POLQ: variants seen among roughly 807,000 people sequenced by gnomAD.
POLQ encodes the protein epididymis secretory sperm binding protein.
A neutral mutation model predicts 259.2 loss-of-function variants in POLQ; 233 were observed. The ratio of observed to expected loss-of-function variants is 0.90; its 90% CI spans 0.81 to 1.00. The LOEUF is 1.00. POLQ is among the 50% of genes least tolerant of loss of function. The pLI, the probability that POLQ is intolerant of heterozygous loss-of-function variation, is 0.00. For synonymous variants in POLQ, 1,025 were observed against 1,048.8 expected (o/e 0.98, Z 0.44); for missense variants, 2,871 against 3,051.6 (o/e 0.94, Z 1.39).
Position 121,474,572 on chromosome 3 carries a change from G to C in POLQ, c.6406-1085C>G, listed in dbSNP as rs139085761. Among the ~76,000 whole-genome samples, 5 of 152,248 alleles carry C rather than the reference G, an allele frequency of 3.3e-5. No individual in the cohort carries two copies. The East Asian group carries it at 7.7e-4, about 24-fold the overall frequency. ...ATTGAAACTATTTGTGTAAGTACAA[G>C]AATTTTTCCCACAAGTTGAGCCAGG... On this transcript the variant is annotated intron_variant, in intron 20 of 29. Coordinates refer to ENST00000264233, the MANE Select transcript of POLQ (RefSeq NM_199420.4).
intron 25 of POLQ, among the ~76,000 whole-genome samples, chr3:121,451,685 T>C (rs954955382): frequency 1.3e-5 from 2 of 152,222 alleles, no homozygotes; most frequent in African/African-American, 4.8e-5. Context: ...GTGTGAGGTG[T>C]CAGCCTGCTC....
At chr3:121,446,956 G>C (rs751830070) in intron 26 of POLQ, among the ~76,000 whole-genome samples, 1 of 151,964 alleles carries the variant, frequency 6.6e-6, no homozygotes, top group Non-Finnish European at 1.5e-5. Context: ...TACATGCAAT[G>C]TTATTATTGA....
At chr3:121,435,177 G>C (rs895916420) in intron 28 of POLQ, among the ~76,000 whole-genome samples, 10 of 152,024 alleles carry the variant, frequency 6.6e-5, no homozygotes, top group African/African-American at 2.4e-4. Context: ...AACAAAAAAA[G>C]TCTGCTGTCA....
intron 13 of POLQ, among the ~76,000 whole-genome samples, chr3:121,497,452 T>G (rs2048133996): frequency 6.6e-6 from 1 of 152,170 alleles, no homozygotes; most frequent in Non-Finnish European, 1.5e-5. Flanking sequence ...TTTCTTTTTT[T>G]TTGAGACGGA....
intron 19 of POLQ, among the ~76,000 whole-genome samples, chr3:121,478,697 G>A (rs1324033232): frequency 1.3e-5 from 2 of 151,402 alleles, no homozygotes; most frequent in African/African-American, 4.9e-5. Context: ...AAAGCTATAT[G>A]AACTAATATT....
chr3:121,526,817 A>T (rs1016349775), intron 7 of POLQ, among the ~76,000 whole-genome samples: 2 of 151,956 alleles, frequency 1.3e-5, no homozygotes, highest in African/African-American at 4.8e-5. Flanking sequence ...TTTTTCTCAA[A>T]TCGTAGTAGA....
intron 5 of POLQ, among the ~76,000 whole-genome samples, chr3:121,534,552 C>G (rs1353645438): frequency 6.6e-6 from 1 of 152,016 alleles, no homozygotes; most frequent in Non-Finnish European, 1.5e-5. Context: ...TAGAACTGGC[C>G]TCAAGTGATC....
chr3:121,440,046 TC>T lies in POLQ; in HGVS notation c.7334del (p.Gly2445GlufsTer28), dbSNP rs1448307600. 6.2e-7 allele frequency: 1 copy of T among 1,612,802 alleles called. No homozygotes were observed. The highest frequency in any genetic ancestry group is 8.5e-7 in the Non-Finnish European group (1 of 1,178,932). ...TGATTCCTGGCAAATATCTACGCCT[TC>T]CCAAAATGGTCTGAACAAATCCGTC... Reference protein sequence around the residue: ...KRDGFVQTILGRRRYLPGIKD... With the variant: ...KRDGFVQTILXRRRYLPGIKD... On this transcript the variant is annotated frameshift_variant, in exon 27 of 30. Coordinates refer to ENST00000264233, the MANE Select transcript of POLQ (RefSeq NM_199420.4). LOFTEE classifies it high-confidence loss of function.
intron 25 of POLQ, among the ~76,000 whole-genome samples, chr3:121,459,822 G>A (rs1273818994): frequency 6.6e-6 from 1 of 152,120 alleles, no homozygotes; most frequent in Non-Finnish European, 1.5e-5. Flanking sequence ...AATGCATATG[G>A]TTTTCCTGAC....
intron 15 of POLQ, 125 bp from the exon 16 acceptor site, chr3:121,490,533 G>T: frequency 1.3e-6 from 1 of 765,608 alleles, no homozygotes. Flanking sequence ...AGAGAGAAAT[G>T]TATCTGCTCT....
chr3:121,452,885 G>A (rs2108779732), intron 25 of POLQ, among the ~76,000 whole-genome samples: 1 of 152,204 alleles, frequency 6.6e-6, no homozygotes, highest in East Asian at 1.9e-4. Flanking sequence ...GAAGAGAGCA[G>A]TGGTTCTCCT....
chr3:121,449,331 G>T lies in POLQ; in HGVS notation c.7248C>A (p.Phe2416Leu). The T allele has an allele frequency of 6.6e-7, 1 of 1,526,618 alleles. No homozygotes were observed. The highest frequency in any genetic ancestry group is 9.1e-7 in the Non-Finnish European group (1 of 1,100,578). The allele number at this position is 1,526,618 out of a possible 1,614,324, so 94.6% of individuals were successfully genotyped here. Residue 2416 changes from phenylalanine to leucine, a missense_variant, in exon 26 of 30, where the codon TTC (phenylalanine) becomes TTA (leucine). Transcript: ENST00000264233. ...ENDAACYIDS[F>L]KSRYTGINQF... is the part of the protein sequence containing the mutation. ...ATAAATTACCTGTGTATCTGGATTT[G>T]AAGGAGTCAATATAGCATGCAGCAT...
Position 121,488,701 on chromosome 3 carries a change from C to G in POLQ, c.4230G>C (p.Leu1410=). 1 of 1,613,438 alleles carries G rather than the reference C, an allele frequency of 6.2e-7. No individual in the cohort carries two copies. The highest frequency in any genetic ancestry group is 8.5e-7 in the Non-Finnish European group (1 of 1,179,828). ...AATGGAAAATCGGGCTTTCTGGAGT[C>G]AGGATATCAACCCCATGTGAATCAC... ...QSSDSHGVDI[L]TPESPIFHSP... Residue 1410 remains leucine (L), a synonymous_variant, in exon 16 of 30, where the codon CTG becomes CTC. Transcript: ENST00000264233.
At chr3:121,494,965 A>G in intron 14 of POLQ, 1 of 673,690 alleles carries the variant, frequency 1.5e-6, no homozygotes, top group African/African-American at 1.9e-5. Context: ...CAAATTTTCA[A>G]AAAAAAAAAA....
At chr3:121,465,238 C>T (rs1207841000) in intron 24 of POLQ, among the ~76,000 whole-genome samples, 7 of 151,788 alleles carry the variant, frequency 4.6e-5, no homozygotes, top group Admixed American at 6.6e-5. Context: ...ACTACAGGTG[C>T]GCACCACCAT....
intron 12 of POLQ, among the ~76,000 whole-genome samples, chr3:121,503,661 A>G (rs952349664): frequency 6.6e-6 from 1 of 152,220 alleles, no homozygotes; most frequent in Non-Finnish European, 1.5e-5. Context: ...CCTCCTGCAG[A>G]TAACAAAATC....
chr3:121,452,051 T>C (rs1362215003), intron 25 of POLQ, among the ~76,000 whole-genome samples: 1 of 152,198 alleles, frequency 6.6e-6, no homozygotes, highest in Non-Finnish European at 1.5e-5. Context: ...GTGCTAGCAA[T>C]GAGCGAGGCT....
At chr3:121,498,404 C>A in intron 13 of POLQ, 73 bp downstream of exon 13, 1 of 1,026,704 alleles carries the variant, frequency 9.7e-7, no homozygotes, top group Non-Finnish European at 1.4e-6. Context: ...AAAGTGACTA[C>A]AATAAACTGG....
intron 24 of POLQ, among the ~76,000 whole-genome samples, chr3:121,462,490 G>A (rs2047800177): frequency 6.6e-6 from 1 of 152,186 alleles, no homozygotes; most frequent in African/African-American, 2.4e-5. Flanking sequence ...GGAATTTGGA[G>A]AGAAAAGAGT....
Sources: allele counts gnomAD v4.1 joint callset (sites outside exome capture counted in the v4.1 genomes callset), GRCh38; gene constraint gnomAD v4.1.1; transcripts MANE v1.5; gene names NCBI Gene and HGNC (gene_info 2026-07-23, HGNC 2026-07-21).